CCDC192: variants seen among roughly 807,000 people sequenced by gnomAD.
CCDC192 encodes coiled-coil domain-containing protein 192.
At chr5:127,737,676 A>G (rs1424006602) in intron 2 of CCDC192, among the ~76,000 whole-genome samples, 3 of 151,724 alleles carry the variant, frequency 2.0e-5, no homozygotes, top group Non-Finnish European at 2.9e-5. Context: ...TCCCTTTACC[A>G]TTATGTAATG....
intron 6 of CCDC192, among the ~76,000 whole-genome samples, chr5:127,925,626 A>G (rs969167466): frequency 2.0e-5 from 3 of 152,178 alleles, no homozygotes; most frequent in Non-Finnish European, 4.4e-5. Flanking sequence ...ATAAAGTTAG[A>G]TATGATTGTT....
At chr5:127,804,168 G>C (rs1239422381) in intron 5 of CCDC192, among the ~76,000 whole-genome samples, 1 of 152,202 alleles carries the variant, frequency 6.6e-6, no homozygotes, top group Non-Finnish European at 1.5e-5. Context: ...CAGGCCCTCT[G>C]CTAATTGACT....
intron 2 of CCDC192, among the ~76,000 whole-genome samples, chr5:127,716,101 A>T (rs1484731821): frequency 1.3e-5 from 2 of 151,944 alleles, no homozygotes; most frequent in East Asian, 3.9e-4. Context: ...TCATGAAGGG[A>T]TGTTGCATTT....
intron 6 of CCDC192, among the ~76,000 whole-genome samples, chr5:127,915,169 G>A (rs959284897): frequency 1.3e-5 from 2 of 152,078 alleles, no homozygotes; most frequent in African/African-American, 4.8e-5. Context: ...TAAAAGTTAT[G>A]TTCACACTAT....
intron 6 of CCDC192, chr5:127,935,522 G>T (rs958644957): frequency 2.6e-5 from 4 of 152,144 alleles, no homozygotes; most frequent in African/African-American, 9.7e-5. Flanking sequence ...CTGCATCACT[G>T]TTTACAGAAA....
intron 5 of CCDC192, among the ~76,000 whole-genome samples, chr5:127,811,133 C>T (rs1301378370): frequency 6.6e-6 from 1 of 152,212 alleles, no homozygotes; most frequent in Non-Finnish European, 1.5e-5. Flanking sequence ...GGAGTACGCT[C>T]TCTGCTGTCT....
chr5:127,766,343 GA>G (rs1281130531), intron 3 of CCDC192, among the ~76,000 whole-genome samples: 4 of 150,850 alleles, frequency 2.7e-5, no homozygotes, highest in South Asian at 2.1e-4. Flanking sequence ...GCAAATATAG[GA>G]AAAAAAAGTT....
chr5:127,768,932 A>T (rs1580626382), intron 3 of CCDC192, among the ~76,000 whole-genome samples: 1 of 152,224 alleles, frequency 6.6e-6, no homozygotes, highest in Non-Finnish European at 1.5e-5. Flanking sequence ...AATTTGTGTT[A>T]CTAATCCAGT....
intron 6 of CCDC192, among the ~76,000 whole-genome samples, chr5:127,933,277 C>T (rs886848968): frequency 2.6e-5 from 4 of 152,142 alleles, no homozygotes; most frequent in Non-Finnish European, 4.4e-5. Flanking sequence ...GTGTCAAGAC[C>T]TGACTTATAT....
intron 5 of CCDC192, among the ~76,000 whole-genome samples, chr5:127,846,529 G>A (rs1750550391): frequency 6.6e-6 from 1 of 151,888 alleles, no homozygotes; most frequent in Non-Finnish European, 1.5e-5. Flanking sequence ...GCATGCAATG[G>A]CAGGATTTCG....
chr5:127,875,874 G>A (rs1752056864), intron 6 of CCDC192, among the ~76,000 whole-genome samples: 1 of 152,000 alleles, frequency 6.6e-6, no homozygotes, highest in Non-Finnish European at 1.5e-5. Flanking sequence ...CTCGTTAAGG[G>A]AAAGTCTGTG....
intron 5 of CCDC192, among the ~76,000 whole-genome samples, chr5:127,823,042 A>G (rs1749367629): frequency 1.3e-5 from 2 of 152,202 alleles, no homozygotes; most frequent in South Asian, 4.1e-4. Flanking sequence ...TTACTCTCTG[A>G]TGAAGATAAC....
chr5:127,794,371 T>G (rs1171972503), intron 3 of CCDC192, among the ~76,000 whole-genome samples: 1 of 152,192 alleles, frequency 6.6e-6, no homozygotes, highest in Admixed American at 6.5e-5. Flanking sequence ...ATAATTTTGT[T>G]GAAACTCAAC....
At chr5:127,851,898 C>A (rs1406587888) in intron 5 of CCDC192, among the ~76,000 whole-genome samples, 1 of 152,142 alleles carries the variant, frequency 6.6e-6, no homozygotes, top group Non-Finnish European at 1.5e-5. Flanking sequence ...CAGAGTTTAC[C>A]AACTGGTTTG....
intron 2 of CCDC192, among the ~76,000 whole-genome samples, chr5:127,744,019 A>G (rs1475355755): frequency 2.0e-5 from 3 of 148,596 alleles, no homozygotes; most frequent in Admixed American, 6.8e-5. Context: ...GCATGAACCC[A>G]GGAGGCAGAG....
intron 3 of CCDC192, among the ~76,000 whole-genome samples, chr5:127,756,288 T>TCACAGAGC (rs1412773033): frequency 1.3e-5 from 2 of 152,048 alleles, no homozygotes; most frequent in African/African-American, 2.4e-5. Flanking sequence ...AAAGAGTAAA[T>TCACAGAGC]CACAGAGCCG....
At chr5:127,713,009 C>T (rs1009763311) in intron 2 of CCDC192, among the ~76,000 whole-genome samples, 1 of 151,976 alleles carries the variant, frequency 6.6e-6, no homozygotes. Flanking sequence ...CCGAGGTGGG[C>T]GGATCACCTG....
At chr5:127,833,130 C>G (rs1749878477) in intron 5 of CCDC192, among the ~76,000 whole-genome samples, 1 of 152,142 alleles carries the variant, frequency 6.6e-6, no homozygotes, top group African/African-American at 2.4e-5. Context: ...TGTTAACATT[C>G]TTATAACTCC....
At chr5:127,818,568 A>T (rs1443663302) in intron 5 of CCDC192, among the ~76,000 whole-genome samples, 1 of 152,204 alleles carries the variant, frequency 6.6e-6, no homozygotes. Flanking sequence ...GCACATTATG[A>T]CAAGTGGAAT....
Sources: gnomAD v4.1 joint callset for allele counts (sites outside exome capture counted in the v4.1 genomes callset) on GRCh38, gnomAD v4.1.1 for gene constraint, MANE v1.5 for transcripts, NCBI Gene and HGNC (gene_info 2026-07-23, HGNC 2026-07-21) for gene names.